LUZP2: variants seen among roughly 807,000 people sequenced by gnomAD.
The protein encoded by LUZP2 is leucine zipper protein 2.
LUZP2 carries 52 observed loss-of-function variants against 51.6 expected under a neutral mutation model. That is an observed-to-expected ratio of 1.01 (90% CI 0.81 to 1.27). The LOEUF is 1.27. Ranked by LOEUF, LUZP2 falls within the 50% of genes most tolerant of loss-of-function variation. The pLI, the probability that LUZP2 is intolerant of heterozygous loss-of-function variation, is 0.00. For synonymous variants in LUZP2, 154 were observed against 137.3 expected, an observed-to-expected ratio of 1.12 and a Z score of -0.85; for missense variants, 436 against 395.4, an observed-to-expected ratio of 1.10 and a Z score of -0.87.
chr11:24,523,484 G>T (rs1014901560), intron 1 of LUZP2, among the ~76,000 whole-genome samples: 14 of 143,676 alleles, frequency 9.7e-5, no homozygotes, highest in African/African-American at 3.9e-4. Context: ...AAAATATCAA[G>T]CTTCTTTTTT....
intron 8 of LUZP2, among the ~76,000 whole-genome samples, chr11:24,978,626 A>G (rs1333949424): frequency 6.6e-6 from 1 of 151,796 alleles, no homozygotes; most frequent in Non-Finnish European, 1.5e-5. Context: ...AAGGGAAAAT[A>G]GAAAATATAT....
At chr11:24,585,120 G>A (rs1168618543) in intron 1 of LUZP2, among the ~76,000 whole-genome samples, 1 of 151,958 alleles carries the variant, frequency 6.6e-6, no homozygotes, top group Non-Finnish European at 1.5e-5. Flanking sequence ...GTTCTCTCTG[G>A]GTATCCTTAA....
At chr11:24,702,156 C>A in intron 1 of LUZP2, among the ~76,000 whole-genome samples, 1 of 152,142 alleles carries the variant, frequency 6.6e-6, no homozygotes, top group Non-Finnish European at 1.5e-5. Context: ...AGTTATGTAA[C>A]AGCTTATCAA....
At chr11:24,576,914 GAAAT>G (rs1432160142) in intron 1 of LUZP2, among the ~76,000 whole-genome samples, 1 of 151,850 alleles carries the variant, frequency 6.6e-6, no homozygotes, top group Admixed American at 6.6e-5. Context: ...AAATATAATT[GAAAT>G]AAATATAGTA....
At chr11:24,827,065 A>G (rs924518829) in intron 5 of LUZP2, among the ~76,000 whole-genome samples, 30 of 139,876 alleles carry the variant, frequency 2.1e-4, no homozygotes, top group African/African-American at 7.2e-4. Flanking sequence ...TCCAATAAGG[A>G]TACAGCTATG....
intron 5 of LUZP2, among the ~76,000 whole-genome samples, chr11:24,886,177 G>T (rs1293762328): frequency 6.6e-6 from 1 of 151,880 alleles, no homozygotes; most frequent in Non-Finnish European, 1.5e-5. Context: ...TTTAAACAAA[G>T]GAATGATTTG....
At chr11:24,699,133 C>T (rs1857343104) in intron 1 of LUZP2, among the ~76,000 whole-genome samples, 1 of 128,364 alleles carries the variant, frequency 7.8e-6, no homozygotes, top group Non-Finnish European at 1.7e-5. Flanking sequence ...ACACACGAAA[C>T]AATAACTCTC....
At chr11:24,774,176 T>C (rs1270286586) in intron 5 of LUZP2, among the ~76,000 whole-genome samples, 1 of 151,710 alleles carries the variant, frequency 6.6e-6, no homozygotes, top group African/African-American at 2.4e-5. Flanking sequence ...CCTCTCAACC[T>C]ACATCTTTCT....
At chr11:24,536,962 AG>A (rs1851196508) in intron 1 of LUZP2, among the ~76,000 whole-genome samples, 1 of 151,796 alleles carries the variant, frequency 6.6e-6, no homozygotes, top group South Asian at 2.1e-4. Flanking sequence ...ACTGCTTCTG[AG>A]GAAGAGGAAG....
At chr11:24,743,464 T>C (rs1202769163) in intron 4 of LUZP2, among the ~76,000 whole-genome samples, 1 of 152,054 alleles carries the variant, frequency 6.6e-6, no homozygotes, top group Non-Finnish European at 1.5e-5. Flanking sequence ...ATAAAAGGGG[T>C]TGAATCCTTG....
At chr11:24,716,850 T>G (rs1009561339) in intron 1 of LUZP2, among the ~76,000 whole-genome samples, 1 of 152,018 alleles carries the variant, frequency 6.6e-6, no homozygotes, top group Non-Finnish European at 1.5e-5. Context: ...GAGCCGACAT[T>G]GCGCCACTGC....
At chr11:24,678,383 C>T (rs773416602) in intron 1 of LUZP2, among the ~76,000 whole-genome samples, 1 of 152,200 alleles carries the variant, frequency 6.6e-6, no homozygotes, top group Admixed American at 6.5e-5. Flanking sequence ...GGATGGGCCA[C>T]AAACCCCAGC....
intron 1 of LUZP2, among the ~76,000 whole-genome samples, chr11:24,669,998 TA>T (rs1007124090): frequency 2.0e-5 from 3 of 151,842 alleles, no homozygotes; most frequent in Non-Finnish European, 2.9e-5. Context: ...CATTCTGAAT[TA>T]AAAAAAACTA....
chr11:24,765,367 C>G (rs1860143045), intron 5 of LUZP2, among the ~76,000 whole-genome samples: 1 of 152,032 alleles, frequency 6.6e-6, no homozygotes, highest in Non-Finnish European at 1.5e-5. Context: ...AGTTTGAAAT[C>G]CACTAAGTGG....
chr11:24,819,939 T>A (rs531692920), intron 5 of LUZP2, among the ~76,000 whole-genome samples: 20 of 152,260 alleles, frequency 1.3e-4, no homozygotes, highest in African/African-American at 4.6e-4. Context: ...TTATAGGCAT[T>A]AAATTTCAAT....
At chr11:24,845,591 T>C (rs1355229935) in intron 5 of LUZP2, among the ~76,000 whole-genome samples, 1 of 152,130 alleles carries the variant, frequency 6.6e-6, no homozygotes, top group Non-Finnish European at 1.5e-5. Flanking sequence ...TCATATTGAA[T>C]TGTAACTCCC....
At chr11:24,574,182 T>TTTTC (rs1184736914) in intron 1 of LUZP2, among the ~76,000 whole-genome samples, 1 of 129,050 alleles carries the variant, frequency 7.7e-6, no homozygotes, top group African/African-American at 2.7e-5. Flanking sequence ...TCTTTCTTTC[T>TTTTC]TTTCTTTCTT....
At chr11:24,915,710 G>T (rs543369654) in intron 7 of LUZP2, among the ~76,000 whole-genome samples, 1 of 151,978 alleles carries the variant, frequency 6.6e-6, no homozygotes, top group African/African-American at 2.4e-5. Flanking sequence ...AGATTAGATA[G>T]GTAGATAGAT....
chr11:24,524,225 T>G (rs1019229674), intron 1 of LUZP2, among the ~76,000 whole-genome samples: 1 of 151,820 alleles, frequency 6.6e-6, no homozygotes, highest in Non-Finnish European at 1.5e-5. Flanking sequence ...TAAAACAGTT[T>G]TTATTGCCTA....
Sources: gnomAD v4.1 joint callset for allele counts (sites outside exome capture counted in the v4.1 genomes callset) on GRCh38, gnomAD v4.1.1 for gene constraint, MANE v1.5 for transcripts, NCBI Gene and HGNC (gene_info 2026-07-23, HGNC 2026-07-21) for gene names.